Variants in RAPGEF1 observed in about 807,000 individuals in gnomAD.
RAPGEF1 encodes CRK SH3-binding GNRP.
Under a neutral mutation model 143.3 loss-of-function variants are expected in RAPGEF1, and 33 were observed. That is an observed-to-expected ratio of 0.23 (90% confidence interval 0.17 to 0.31). The LOEUF is 0.31. RAPGEF1 is among the 10% of genes least tolerant of loss of function. The pLI is 1.00. For missense variants in RAPGEF1, 1,199 were observed against 1,645.4 expected (o/e 0.73, Z 4.69); for synonymous variants, 629 against 676.5 (o/e 0.93, Z 1.09).
At chr9:131,624,865 G>A (rs1444366476) in intron 10 of RAPGEF1, among the ~76,000 whole-genome samples, 1 of 152,236 alleles carries the variant, frequency 6.6e-6, no homozygotes, top group Non-Finnish European at 1.5e-5. Context: ...CCACACTGCT[G>A]AGGCCATCAC....
chr9:131,659,575 G>A (rs756239935), intron 1 of RAPGEF1, among the ~76,000 whole-genome samples: 7 of 152,004 alleles, frequency 4.6e-5, no homozygotes, highest in African/African-American at 1.2e-4. Flanking sequence ...CTTTTTACCC[G>A]AGCCTCCGGT....
intron 12 of RAPGEF1, among the ~76,000 whole-genome samples, chr9:131,618,502 C>T (rs940903871): frequency 3.3e-5 from 5 of 152,218 alleles, no homozygotes; most frequent in African/African-American, 1.2e-4. Context: ...AACCATCCTG[C>T]GCTAGTGAAG....
Position 131,626,379 on chromosome 9 carries a change from A to G in RAPGEF1, c.1245T>C (p.Ser415=). 1 of 1,611,180 alleles carries G rather than the reference A, an allele frequency of 6.2e-7. No homozygotes were observed. Among genetic ancestry groups the G allele is most frequent in the African/African-American group, 1.3e-5 (1 of 74,970 alleles). The change falls in exon 10 of 27, where the codon TCT becomes TCC. Residue 415 remains serine, a synonymous_variant. Transcript: ENST00000683357. The stretch of plus-strand genomic sequence containing the variant: ...TCTGCTGAGGTATCTGGTCTGCGTT[A>G]GAGAGGTCTTGCTGGAGGAATTCAT... ...PDYEFLQQDL[S]NADQIPQQTA...
intron 1 of RAPGEF1, among the ~76,000 whole-genome samples, chr9:131,665,873 C>A (rs1201754259): frequency 6.6e-6 from 1 of 152,164 alleles, no homozygotes; most frequent in Non-Finnish European, 1.5e-5. Flanking sequence ...CATCTATCTA[C>A]CTTACTGTCT....
At chr9:131,670,552 A>T (rs1468795356) in intron 1 of RAPGEF1, among the ~76,000 whole-genome samples, 1 of 152,210 alleles carries the variant, frequency 6.6e-6, no homozygotes, top group African/African-American at 2.4e-5. Context: ...AAAGTGAATT[A>T]CACCCTTCTG....
chr9:131,724,481 GC>G (rs997381085), intron 1 of RAPGEF1, among the ~76,000 whole-genome samples: 8 of 152,162 alleles, frequency 5.3e-5, no homozygotes, highest in African/African-American at 1.9e-4. Flanking sequence ...TGTAGTCCCA[GC>G]TACTCGGGAG....
intron 1 of RAPGEF1, among the ~76,000 whole-genome samples, chr9:131,707,492 G>A (rs1835161342): frequency 6.6e-6 from 1 of 152,110 alleles, no homozygotes. Flanking sequence ...CCAGGCTGGA[G>A]TGCAGTGGCA....
chr9:131,723,789 C>T (rs549114147), intron 1 of RAPGEF1, among the ~76,000 whole-genome samples: 1 of 152,292 alleles, frequency 6.6e-6, no homozygotes, highest in Admixed American at 6.5e-5. Flanking sequence ...TGCGTACACA[C>T]CCATAGGTAT....
chr9:131,680,880 C>T (rs977081992), intron 1 of RAPGEF1, among the ~76,000 whole-genome samples: 1 of 152,118 alleles, frequency 6.6e-6, no homozygotes, highest in Non-Finnish European at 1.5e-5. Context: ...GAGCTGGTCT[C>T]GGCAAGTAGC....
chr9:131,728,177 G>T (rs998487592), intron 1 of RAPGEF1, among the ~76,000 whole-genome samples: 1 of 152,170 alleles, frequency 6.6e-6, no homozygotes, highest in African/African-American at 2.4e-5. Context: ...TCTTTACTGT[G>T]AAAGTTAATC....
At chr9:131,735,398 T>G (rs1837350631) in intron 1 of RAPGEF1, among the ~76,000 whole-genome samples, 1 of 152,142 alleles carries the variant, frequency 6.6e-6, no homozygotes, top group African/African-American at 2.4e-5. Flanking sequence ...GCACAGGAGT[T>G]TCCTGACCAT....
At chr9:131,658,035 A>G (rs1588840193) in intron 1 of RAPGEF1, among the ~76,000 whole-genome samples, 1 of 152,176 alleles carries the variant, frequency 6.6e-6, no homozygotes, top group Admixed American at 6.5e-5. Flanking sequence ...AGCTTTATTT[A>G]TCTGCTCTCC....
intron 1 of RAPGEF1, among the ~76,000 whole-genome samples, chr9:131,708,000 C>T (rs958267047): frequency 1.3e-5 from 2 of 152,166 alleles, no homozygotes; most frequent in Non-Finnish European, 2.9e-5. Context: ...TTTGTTCAAA[C>T]TTGGATCCAA....
At chr9:131,722,420 G>A (rs1182895761) in intron 1 of RAPGEF1, among the ~76,000 whole-genome samples, 1 of 152,230 alleles carries the variant, frequency 6.6e-6, no homozygotes, top group Non-Finnish European at 1.5e-5. Flanking sequence ...TCAACTCAGA[G>A]AGAGTAAGTG....
At position 131,588,818 on chromosome 9, in the gene RAPGEF1, G is replaced by A; in HGVS notation, c.3036C>T (p.Ala1012=). The A allele has an allele frequency of 6.2e-7, 1 of 1,613,240 alleles. No individual in the cohort carries two copies. Among genetic ancestry groups the A allele is most frequent in the Non-Finnish European group, 8.5e-7 (1 of 1,179,552 alleles). The part of the protein sequence containing the change: ...RCATSSQPLA[A]RGVAARPGTL... ...CTTCTCACCTGGCTGCTACCCCCCG[G>A]GCTGCCAGGGGCTGGCTGGAGGTGG... Residue 1012 remains alanine, a synonymous_variant, in exon 20 of 27, where the codon GCC becomes GCT. Coordinates refer to ENST00000683357, the MANE Select transcript of RAPGEF1 (RefSeq NM_001377935.1).
At chr9:131,617,319 A>G (rs753847678) in intron 12 of RAPGEF1, among the ~76,000 whole-genome samples, 15 of 152,348 alleles carry the variant, frequency 9.8e-5, no homozygotes, top group Non-Finnish European at 2.1e-4. Context: ...TGGCCACAGC[A>G]GGGTGAGGGG....
intron 1 of RAPGEF1, among the ~76,000 whole-genome samples, chr9:131,706,215 C>T (rs1169649082): frequency 4.6e-5 from 7 of 152,134 alleles, no homozygotes; most frequent in Admixed American, 1.3e-4. Flanking sequence ...TTCACAACCA[C>T]GTTGAATGTG....
At chr9:131,670,927 G>A (rs1831280409) in intron 1 of RAPGEF1, among the ~76,000 whole-genome samples, 2 of 152,118 alleles carry the variant, frequency 1.3e-5, no homozygotes, top group African/African-American at 2.4e-5. Context: ...TACAAAACTC[G>A]CCATACTGAT....
intron 12 of RAPGEF1, among the ~76,000 whole-genome samples, chr9:131,608,720 CCTT>C (rs1564514882): frequency 2.6e-5 from 4 of 152,188 alleles, no homozygotes; most frequent in African/African-American, 4.8e-5. Flanking sequence ...ACAGGGAAAA[CCTT>C]CTGATCACCA....
Sources: allele counts gnomAD v4.1 joint callset (sites outside exome capture counted in the v4.1 genomes callset), GRCh38; gene constraint gnomAD v4.1.1; transcripts MANE v1.5; gene names NCBI Gene and HGNC (gene_info 2026-07-23, HGNC 2026-07-21).